Variants in HTR3E observed in about 807,000 individuals in gnomAD.
HTR3E encodes the protein 5-hydroxytryptamine (serotonin) receptor 3, family member E.
HTR3E carries 38 observed loss-of-function variants against 38.0 expected under a neutral mutation model. That is an observed-to-expected ratio of 1.00 (90% CI 0.77 to 1.31). The LOEUF (loss-of-function observed/expected upper bound fraction) is 1.31, where lower values mean the gene tolerates loss of function less well. Among genes scored for constraint, HTR3E ranks in the 50% most tolerant of loss-of-function variants. HTR3E has a pLI of 0.00. For missense variants in HTR3E, 547 were observed against 585.2 expected, an observed-to-expected ratio of 0.93 and a Z score of 0.67; for synonymous variants, 210 against 232.9, an observed-to-expected ratio of 0.90 and a Z score of 0.89.
At chr3:184,104,316 G>T in intron 4 of HTR3E, 25 bp downstream of exon 4, 1 of 1,592,202 alleles carries the variant, frequency 6.3e-7, no homozygotes, top group East Asian at 2.3e-5. Flanking sequence ...CTGGTCAGAG[G>T]GAAGTCCCAT....
At position 184,104,802 on chromosome 3, in the gene HTR3E, G is replaced by C. The variant is rs763348822; in HGVS notation, c.405G>C (p.Lys135Asn). ...TCTCCTCCAGCATGGATGTGGATAA[G>C]ACCCCAAAAGGCCTCACAGCATATG... Reference protein sequence around the residue: ...IFIIELMDVDKTPKGLTAYVS... With the variant: ...IFIIELMDVDNTPKGLTAYVS... Residue 135 changes from lysine to asparagine, a missense_variant, in exon 5 of 9, where the codon AAG (lysine) becomes AAC (asparagine). By Grantham distance (94) the Lys-to-Asn change is moderately conservative (BLOSUM62 0). Coordinates refer to ENST00000415389, the MANE Select transcript of HTR3E (RefSeq NM_001256613.2). The C allele has an allele frequency of 3.1e-6, 5 of 1,606,868 alleles. No homozygotes were observed. The highest frequency in any genetic ancestry group is 3.4e-6 in the Non-Finnish European group (4 of 1,176,248).
At chr3:184,105,649 C>A in intron 6 of HTR3E, 116 bp from the exon 7 acceptor site, 1 of 993,216 alleles carries the variant, frequency 1.0e-6, no homozygotes, top group Non-Finnish European at 1.5e-6. Flanking sequence ...AGCTCCAGAT[C>A]CCAGGGTGAT....
At chr3:184,099,708 G>A (rs1277201903) in intron 1 of HTR3E, among the ~76,000 whole-genome samples, 8 of 98,676 alleles carry the variant, frequency 8.1e-5, no homozygotes, top group Non-Finnish European at 1.4e-4. Context: ...GCGACAGAGC[G>A]AGACTCCGTC....
intron 3 of HTR3E, 63 bp from the exon 4 acceptor site, chr3:184,104,119 C>A: frequency 9.2e-7 from 1 of 1,087,648 alleles, no homozygotes; most frequent in Non-Finnish European, 1.2e-6. Context: ...TATTTCATAA[C>A]TTTTTTTTTT....
Position 184,100,508 on chromosome 3 carries a change from A to T in HTR3E, c.91A>T (p.Asn31Tyr), listed in dbSNP as rs778876211. ...AGGAAGGGGCGTTACTTTCACCATC[A>T]ATTGCTCAGGGTTTGGCCAGCACGG... ...LQGRGVTFTI[N>Y]CSGFGQHGAD... The change falls in exon 2 of 9, where the codon AAT becomes TAT. Residue 31 changes from asparagine to tyrosine, a missense_variant. Physicochemically the swap from Asn to Tyr is moderately radical, Grantham distance 143. Coordinates refer to ENST00000415389, the MANE Select transcript of HTR3E (RefSeq NM_001256613.2). The T allele has an allele frequency of 6.2e-7, 1 of 1,614,042 alleles. No homozygotes were observed. The highest frequency in any genetic ancestry group is 1.7e-5 in the Admixed American group (1 of 60,002).
At position 184,106,343 on chromosome 3, in the gene HTR3E, G is replaced by C. The variant is rs184749007; in HGVS notation, c.1141G>C (p.Gly381Arg). 9 of 1,606,494 alleles carry C rather than the reference G, an allele frequency of 5.6e-6. No individual in the cohort carries two copies. In the East Asian group the frequency reaches 1.8e-4, roughly 32 times the overall value. ...GGGTCTCACCCCCACCCACCTGCCCGGTGAGGGAAGTCACATTCCTCTTCC... is the reference window on the plus strand; with the variant it reads ...GGGTCTCACCCCCACCCACCTGCCCCGTGAGGGAAGTCACATTCCTCTTCC... ...GPGLTPTHLP[G>R]VKEPEVSAGQ... Residue 381 changes from glycine to arginine, a missense_variant and splice_region_variant, in exon 8 of 9, where the codon GGT becomes CGT. Coordinates refer to ENST00000415389, the MANE Select transcript of HTR3E (RefSeq NM_001256613.2). The surrounding 1 kb of genome is among the most constrained non-coding windows in gnomAD (Gnocchi z 4.1).
In HTR3E at chr3:184,105,843, C is replaced by T; in HGVS notation, c.799C>T (p.Leu267Phe). ...TGGCTTTCTGGTTGCCATCGATGCC[C>T]TCAGCTTCTACCTGCCAGTGAAAAG... ...PSGFLVAIDA[L>F]SFYLPVKSGN... The change falls in exon 7 of 9, where the codon CTC (leucine) becomes TTC (phenylalanine). Residue 267 changes from leucine to phenylalanine, a missense_variant. Leu to Phe is a conservative substitution (Grantham distance 22). Coordinates refer to ENST00000415389, the MANE Select transcript of HTR3E (RefSeq NM_001256613.2). 3.1e-6 allele frequency: 5 copies of T among 1,614,164 alleles called. No homozygotes were observed. The highest frequency in any genetic ancestry group is 4.2e-6 in the Non-Finnish European group (5 of 1,180,038).
At chr3:184,104,541 T>TAA (rs11320996) in intron 4 of HTR3E, among the ~76,000 whole-genome samples, 10 of 119,238 alleles carry the variant, frequency 8.4e-5, no homozygotes, top group African/African-American at 1.9e-4. Context: ...CCTCATCTCT[T>TAA]AAAAAAAAAA....
intron 4 of HTR3E, 147 bp from the exon 5 acceptor site, chr3:184,104,640 C>A: frequency 1.5e-6 from 1 of 688,962 alleles, no homozygotes; most frequent in Non-Finnish European, 2.3e-6. Context: ...TCATTTGAGC[C>A]CAGGACATGG....
chr3:184,097,323 C>T lies in HTR3E; in HGVS notation c.-207C>T, dbSNP rs1307442772. ...TTACGTTGCAGTGAAATACCTAAGA[C>T]TAAGATAAAGTCTTAAAAGCAGACT... On this transcript the variant is annotated 5_prime_UTR_variant, in exon 1 of 9. Coordinates refer to ENST00000415389, the MANE Select transcript of HTR3E (RefSeq NM_001256613.2). 5.4e-6 allele frequency: 3 copies of T among 551,664 alleles called. No homozygotes were observed. The highest frequency in any genetic ancestry group is 9.7e-6 in the Non-Finnish European group (3 of 308,910). The allele number at this position is 551,664 out of a possible 1,614,324, so 34.2% of individuals were successfully genotyped here.
chr3:184,104,716 C>CAAA (rs66667882), intron 4 of HTR3E, 71 bp from the exon 5 acceptor site: 334 of 836,890 alleles, frequency 4.0e-4, no homozygotes, highest in East Asian at 8.9e-4. Context: ...GATCCTGTCT[C>CAAA]AAAAAAAAAA....
chr3:184,100,278 C>A, intron 1 of HTR3E: 2 of 1,374,468 alleles, frequency 1.5e-6, no homozygotes, highest in Non-Finnish European at 2.0e-6. Context: ...GAGGGTAAAG[C>A]AGTATCTACC....
At chr3:184,101,212 C>G (rs942539966) in intron 2 of HTR3E, among the ~76,000 whole-genome samples, 1 of 152,124 alleles carries the variant, frequency 6.6e-6, no homozygotes, top group Non-Finnish European at 1.5e-5. Context: ...CCAGGCATTA[C>G]AGGCATGAGC....
rs373692338 is a variant in HTR3E at position 184,100,491 on chromosome 3, G to A, written c.74G>A (p.Gly25Asp). Residue 25 changes from glycine (G) to aspartate (D), a missense_variant, in exon 2 of 9, where the codon GGC becomes GAC. By Grantham distance (94) the Gly-to-Asp change is moderately conservative. Transcript: ENST00000415389. ...CATTCGATGTCCACTACAGGAAGGG[G>A]CGTTACTTTCACCATCAATTGCTCA... ...LLLGFLLQGR[G>D]VTFTINCSGF... The A allele has an allele frequency of 2.5e-6, 4 of 1,614,170 alleles. No individual in the cohort carries two copies. The highest frequency in any genetic ancestry group is 1.3e-5 in the African/African-American group (1 of 75,060).
At position 184,106,848 on chromosome 3, in the gene HTR3E, T is replaced by C. The variant is rs1428924311; in HGVS notation, c.*155T>C. The C allele has an allele frequency of 2.6e-6, 2 of 771,442 alleles. No homozygotes were observed. Among genetic ancestry groups the C allele is most frequent in the Non-Finnish European group, 4.1e-6 (2 of 482,460 alleles). The allele number at this position is 771,442 out of a possible 1,614,324, so 47.8% of individuals were successfully genotyped here. On this transcript the variant is annotated 3_prime_UTR_variant, in exon 9 of 9. Transcript: ENST00000415389. This position sits in a 1 kb window ranked among gnomAD's most constrained non-coding sequence, Gnocchi z 4.1. ...ATCCCAATCCGGTCCTGCTGATCAA[T>C]TCCAATCCCAGACATTTCTCCCTGT...
At chr3:184,100,439 C>T (rs1246986879) in intron 1 of HTR3E, 46 bp from the exon 2 acceptor site, 1 of 1,614,122 alleles carries the variant, frequency 6.2e-7, no homozygotes, top group Non-Finnish European at 8.5e-7. Context: ...ATATAGGGAG[C>T]ACAGGGTTGC....
chr3:184,104,765 T>C, intron 4 of HTR3E, 22 bp from the exon 5 acceptor site: 1 of 1,487,046 alleles, frequency 6.7e-7, no homozygotes, highest in South Asian at 1.2e-5. Flanking sequence ...AGCACCTGCC[T>C]CTTGCGTTAT....
At chr3:184,101,607 T>A in intron 3 of HTR3E, 78 bp downstream of exon 3, 3 of 1,188,654 alleles carry the variant, frequency 2.5e-6, no homozygotes, top group Non-Finnish European at 3.8e-6. Context: ...ATTATGAATT[T>A]TTATGTCCCT....
chr3:184,103,524 G>A (rs1336028692), intron 3 of HTR3E, among the ~76,000 whole-genome samples: 1 of 151,788 alleles, frequency 6.6e-6, no homozygotes, highest in Non-Finnish European at 1.5e-5. Context: ...AGCTACTCGG[G>A]AGGCTGAGGC....
Sources: gnomAD v4.1 joint callset for allele counts (sites outside exome capture counted in the v4.1 genomes callset) on GRCh38, gnomAD v4.1.1 for gene constraint, Gnocchi (gnomAD v3.1) non-coding constraint, MANE v1.5 for transcripts, NCBI Gene and HGNC (gene_info 2026-07-23, HGNC 2026-07-21) for gene names.